RNF144B: variants seen among roughly 807,000 people sequenced by gnomAD.
RNF144B encodes the protein E3 ubiquitin-protein ligase RNF144B.
In RNF144B, 25 loss-of-function variants were observed where a neutral mutation model predicts 40.2. The observed-to-expected ratio is 0.62, with a 90% CI of 0.45 to 0.87. RNF144B has a LOEUF of 0.87. Ranked by LOEUF, RNF144B falls within the 40% of genes least tolerant of loss-of-function variation. The pLI, the probability that RNF144B is intolerant of heterozygous loss-of-function variation, is 0.00. For missense variants in RNF144B, 365 were observed against 373.7 expected (o/e 0.98, Z 0.19); for synonymous variants, 145 against 136.3 (o/e 1.06, Z -0.44).
In RNF144B at chr6:18,415,163, T is replaced by C. The variant is rs578173680; in HGVS notation, c.166-12418T>C. On this transcript the variant is annotated intron_variant, in intron 2 of 7. Transcript: ENST00000259939. The stretch of plus-strand genomic sequence containing the variant: ...TGTGATTTTAAAAATATATTTTCTG[T>C]CCGTGGTTGGTTGAATCCATGGATG... Among the ~76,000 whole-genome samples, 4 of 152,320 alleles carry C rather than the reference T, an allele frequency of 2.6e-5. No homozygotes were observed. In the South Asian group the frequency reaches 6.2e-4, roughly 24 times the overall value.
rs552896868 is a variant in RNF144B, at chr6:18,442,248, G to C, written c.331+2504G>C. 1.2e-3 allele frequency among the ~76,000 whole-genome samples: 182 copies of C among 152,274 alleles called. 1 individual carries two copies. The highest frequency in any genetic ancestry group is 3.3e-3 in the South Asian group (16 of 4,828). On this transcript the variant is annotated intron_variant, in intron 4 of 7. Transcript: ENST00000259939. This position sits in a 1 kb window ranked among gnomAD's most constrained non-coding sequence, Gnocchi z 4.3. ...ATATATTCAGTCTAGCTACAATTAA[G>C]TTGGGCAGGCATCTGAGCCAGTCTA...
At chr6:18,452,999 C>T (rs1321718305) in intron 4 of RNF144B, among the ~76,000 whole-genome samples, 1 of 152,030 alleles carries the variant, frequency 6.6e-6, no homozygotes, top group Non-Finnish European at 1.5e-5. Flanking sequence ...GTTGGCCAGG[C>T]TGGTCTTGAA....
rs1444494017 is a variant in RNF144B at position 18,402,441 on chromosome 6, C to T, written c.165+2742C>T. Among the ~76,000 whole-genome samples the T allele has an allele frequency of 4.5e-5, 4 of 88,446 alleles. 1 individual carries two copies. The highest frequency in any genetic ancestry group is 1.3e-4 in the African/African-American group (4 of 30,052). 58.0% of individuals were successfully genotyped at this position (88,446 alleles called of 152,430 possible). A position where few individuals can be genotyped will look rare whatever the true frequency, so the allele number is the denominator to read the frequency against. The stretch of plus-strand genomic sequence containing the variant: ...AAATAGATGCCCCAAGTGTGTTCCA[C>T]GGACCACCAGCTCTGGGAAACAGAG... On this transcript the variant is annotated intron_variant, in intron 2 of 7. Transcript: ENST00000259939.
chr6:18,411,796 C>T (rs1795053131), intron 2 of RNF144B, among the ~76,000 whole-genome samples: 1 of 151,956 alleles, frequency 6.6e-6, no homozygotes, highest in Non-Finnish European at 1.5e-5. Flanking sequence ...GCCCAGCCCA[C>T]CTGTACTTTC....
Position 18,404,561 on chromosome 6 carries a change from G to A in RNF144B, c.165+4862G>A, listed in dbSNP as rs1278765851. Among the ~76,000 whole-genome samples the A allele has an allele frequency of 2.6e-5, 4 of 152,164 alleles. No homozygotes were observed. The East Asian group carries it at 7.7e-4, about 29-fold the overall frequency. On this transcript the variant is annotated intron_variant, in intron 2 of 7. Coordinates refer to ENST00000259939, the MANE Select transcript of RNF144B (RefSeq NM_182757.4). ...CTCACTAGCCTTTTATAAAAAGGTG[G>A]TTATATAGGTAATTACAACCTCACT...
intron 1 of RNF144B, among the ~76,000 whole-genome samples, chr6:18,387,970 A>T (rs1794496959): frequency 6.6e-6 from 1 of 152,278 alleles, no homozygotes. Flanking sequence ...TATAGTGCTT[A>T]TTTTATCAGG....
At chr6:18,463,192 A>AG in intron 6 of RNF144B, 99 bp from the exon 7 acceptor site, 1 of 739,306 alleles carries the variant, frequency 1.4e-6, no homozygotes, top group Non-Finnish European at 2.4e-6. Context: ...ATATCACCAG[A>AG]GAAAAACTTT....
Position 18,412,931 on chromosome 6 carries a change from A to C in RNF144B, c.165+13232A>C, listed in dbSNP as rs952890064. ...CTACATGAATGTAGGGTATTTTTTCAATCTGCTTAAACCTCATTTTATTCA... is the reference window on the plus strand; with the variant it reads ...CTACATGAATGTAGGGTATTTTTTCCATCTGCTTAAACCTCATTTTATTCA... On this transcript the variant is annotated intron_variant, in intron 2 of 7. Coordinates refer to ENST00000259939, the MANE Select transcript of RNF144B (RefSeq NM_182757.4). The surrounding 1 kb of genome is among the most constrained non-coding windows in gnomAD (Gnocchi z 4.2). Among the ~76,000 whole-genome samples, 3 of 152,142 alleles carry C rather than the reference A, an allele frequency of 2.0e-5. No homozygotes were observed. Among genetic ancestry groups the C allele is most frequent in the Non-Finnish European group, 4.4e-5 (3 of 68,012 alleles).
rs755843328 is a variant in RNF144B at position 18,399,565 on chromosome 6, G to A, written c.31G>A (p.Ala11Thr). The part of the protein sequence containing the change: MGSAGRLHYL[A>T]MTAENPTPGD... ...CTCAGCTGGTAGGCTCCACTATCTCGCCATGACTGCTGAAAATCCCACTCC... is the reference window on the plus strand; with the variant it reads ...CTCAGCTGGTAGGCTCCACTATCTCACCATGACTGCTGAAAATCCCACTCC... The change falls in exon 2 of 8, where the codon GCC becomes ACC. Residue 11 changes from alanine to threonine, a missense_variant. Ala to Thr is a moderately conservative substitution (Grantham distance 58). Transcript: ENST00000259939. The A allele has an allele frequency of 8.1e-6, 13 of 1,613,892 alleles. No homozygotes were observed. The highest frequency in any genetic ancestry group is 6.6e-5 in the South Asian group (6 of 91,088).
At chr6:18,428,592 T>C (rs1174205341) in intron 3 of RNF144B, among the ~76,000 whole-genome samples, 1 of 152,156 alleles carries the variant, frequency 6.6e-6, no homozygotes, top group Non-Finnish European at 1.5e-5. Context: ...TAATGAACTC[T>C]TGTTTATTCT....
chr6:18,397,023 A>G (rs1794706293), intron 1 of RNF144B, among the ~76,000 whole-genome samples: 1 of 152,176 alleles, frequency 6.6e-6, no homozygotes, highest in Admixed American at 6.5e-5. Context: ...TCCACATGGA[A>G]ACTAACCATT....
chr6:18,431,430 T>C (rs1350983094), intron 3 of RNF144B, among the ~76,000 whole-genome samples: 1 of 152,122 alleles, frequency 6.6e-6, no homozygotes, highest in East Asian at 1.9e-4. Context: ...CACACATGAA[T>C]TGGACTGTAC....
chr6:18,415,715 C>T (rs1795136821), intron 2 of RNF144B, among the ~76,000 whole-genome samples: 1 of 152,040 alleles, frequency 6.6e-6, no homozygotes, highest in South Asian at 2.1e-4. Flanking sequence ...TCTGCATTCT[C>T]TAGTGGAATG....
intron 3 of RNF144B, among the ~76,000 whole-genome samples, chr6:18,429,964 A>C (rs1388483008): frequency 6.6e-6 from 1 of 152,214 alleles, no homozygotes; most frequent in Non-Finnish European, 1.5e-5. Flanking sequence ...ATAAAAGTGA[A>C]ATGCAAGAAG....
intron 4 of RNF144B, among the ~76,000 whole-genome samples, chr6:18,454,814 G>A (rs12190739): frequency 0.13 from 19,040 of 152,146 alleles, 1,368 homozygotes; most frequent in Admixed American, 0.19. Flanking sequence ...GAAACAAGTC[G>A]GAACTTCTAC....
At chr6:18,454,828 G>A (rs1398009550) in intron 4 of RNF144B, among the ~76,000 whole-genome samples, 1 of 152,218 alleles carries the variant, frequency 6.6e-6, no homozygotes, top group Non-Finnish European at 1.5e-5. Context: ...CTTCTACCAA[G>A]TAGTTTTAAT....
intron 2 of RNF144B, among the ~76,000 whole-genome samples, chr6:18,417,295 T>G (rs1198770603): frequency 6.6e-6 from 1 of 152,166 alleles, no homozygotes; most frequent in East Asian, 1.9e-4. Flanking sequence ...AGAACAGAGT[T>G]GGAGAGCTCT....
In RNF144B at chr6:18,399,704, GT is replaced by G. The variant is rs776594133; in HGVS notation, c.165+9del. On this transcript the variant is annotated splice_donor_region_variant and intron_variant, in intron 2 of 7. Transcript: ENST00000259939. ...CAGTGCATCTTTTGCACAGCTGTGAGTTTTCCTTGATGCTTTCACTATGAGA... is the reference window on the plus strand; with the variant it reads ...CAGTGCATCTTTTGCACAGCTGTGAGTTTCCTTGATGCTTTCACTATGAGA... The G allele has an allele frequency of 1.4e-4, 220 of 1,608,000 alleles. 1 individual carries two copies. The highest frequency in any genetic ancestry group is 1.8e-4 in the Non-Finnish European group (206 of 1,175,136).
chr6:18,403,773 G>T (rs188486441), intron 2 of RNF144B, among the ~76,000 whole-genome samples: 1 of 152,270 alleles, frequency 6.6e-6, no homozygotes, highest in East Asian at 1.9e-4. Flanking sequence ...TGGAAAGTTA[G>T]AGAAGCACGG....
Sources: gnomAD v4.1 joint callset for allele counts (sites outside exome capture counted in the v4.1 genomes callset) on GRCh38, gnomAD v4.1.1 for gene constraint, Gnocchi (gnomAD v3.1) non-coding constraint, MANE v1.5 for transcripts, NCBI Gene and HGNC (gene_info 2026-07-23, HGNC 2026-07-21) for gene names.